Variants in FUT9 observed in about 807,000 individuals in gnomAD.
FUT9 encodes the protein fucosyltransferase 9, also known as 4-galactosyl-N-acetylglucosaminide 3-alpha-L-fucosyltransferase 9.
A neutral mutation model predicts 29.7 loss-of-function variants in FUT9; 15 were observed. That is an observed-to-expected ratio of 0.51 (90% confidence interval 0.34 to 0.78). FUT9 has a LOEUF of 0.78. Ranked by LOEUF, FUT9 falls within the 30% of genes least tolerant of loss-of-function variation. The probability of loss-of-function intolerance (pLI) is 0.01; values close to 1 mark genes in which losing one functional copy is unlikely to be tolerated. For synonymous variants in FUT9, 169 were observed against 153.7 expected (o/e 1.10, Z -0.74); for missense variants, 319 against 425.4 (o/e 0.75, Z 2.20).
In FUT9 at chr6:96,026,083, G is replaced by T. The variant is rs1283827139; in HGVS notation, c.-98+9871G>T. Among the ~76,000 whole-genome samples the T allele has an allele frequency of 2.6e-5, 4 of 151,216 alleles. No individual in the cohort carries two copies. In the East Asian group the frequency reaches 7.9e-4, roughly 30 times the overall value. ...TCCAGAAGATACTATTTCTATCCAA[G>T]GCTGTCTGCTTTACAAACATGTTCT... is the stretch of plus-strand genomic sequence containing the variant. On this transcript the variant is annotated intron_variant, in intron 1 of 2. Transcript: ENST00000302103.
At chr6:96,186,845 G>A (rs1025935849) in intron 2 of FUT9, among the ~76,000 whole-genome samples, 6 of 152,066 alleles carry the variant, frequency 3.9e-5, no homozygotes, top group Non-Finnish European at 7.4e-5. Context: ...ACTTTATTAA[G>A]GCCTTAAAAT....
At chr6:96,043,964 AT>A (rs549921537) in intron 1 of FUT9, among the ~76,000 whole-genome samples, 4 of 152,250 alleles carry the variant, frequency 2.6e-5, no homozygotes, top group Admixed American at 1.3e-4. Context: ...ACTTTATTTG[AT>A]TTTGTTGGCC....
chr6:96,069,231 C>T (rs924371127), intron 1 of FUT9, among the ~76,000 whole-genome samples: 6 of 151,876 alleles, frequency 4.0e-5, no homozygotes, highest in Non-Finnish European at 8.8e-5. Context: ...AGGAGCATTG[C>T]TTGAACCGGG....
intron 1 of FUT9, among the ~76,000 whole-genome samples, chr6:96,094,554 A>G (rs2127954797): frequency 6.6e-6 from 1 of 152,288 alleles, no homozygotes; most frequent in South Asian, 2.1e-4. Flanking sequence ...AAAGTAATTC[A>G]TGCAGAGCAT....
At chr6:96,157,446 A>G (rs1278711785) in intron 2 of FUT9, among the ~76,000 whole-genome samples, 1 of 152,174 alleles carries the variant, frequency 6.6e-6, no homozygotes, top group Non-Finnish European at 1.5e-5. Context: ...GCCTAATAAA[A>G]TGAGTTGAGG....
chr6:96,140,539 C>A (rs142225687), intron 2 of FUT9, among the ~76,000 whole-genome samples: 1 of 152,204 alleles, frequency 6.6e-6, no homozygotes, highest in South Asian at 2.1e-4. Context: ...ATACCTGAGA[C>A]GGGGCAATTT....
chr6:96,123,045 C>T (rs538579973), intron 2 of FUT9, among the ~76,000 whole-genome samples: 1 of 115,608 alleles, frequency 8.6e-6, no homozygotes, highest in South Asian at 3.0e-4. Context: ...AGGAGACAGC[C>T]GCGAGACTCA....
At chr6:96,073,393 G>A (rs1771094560) in intron 1 of FUT9, among the ~76,000 whole-genome samples, 1 of 150,512 alleles carries the variant, frequency 6.6e-6, no homozygotes, top group Non-Finnish European at 1.5e-5. Context: ...AGGTTGCAGT[G>A]AGCTGAGATT....
chr6:96,121,338 C>T (rs1772023463), intron 2 of FUT9, among the ~76,000 whole-genome samples: 1 of 152,086 alleles, frequency 6.6e-6, no homozygotes, highest in Non-Finnish European at 1.5e-5. Context: ...ACAAAGATGT[C>T]AAGAAAATCT....
chr6:96,077,137 A>T (rs1288367883), intron 1 of FUT9, among the ~76,000 whole-genome samples: 4 of 152,164 alleles, frequency 2.6e-5, no homozygotes, highest in Admixed American at 2.6e-4. Flanking sequence ...TAATTTTCTT[A>T]TGATGCTGTG....
intron 2 of FUT9, among the ~76,000 whole-genome samples, chr6:96,147,451 G>A (rs1772592594): frequency 6.6e-6 from 1 of 152,230 alleles, no homozygotes; most frequent in African/African-American, 2.4e-5. Context: ...TTATAGGCAT[G>A]AGCCACTGCA....
chr6:96,177,248 C>G (rs1244064580), intron 2 of FUT9, among the ~76,000 whole-genome samples: 2 of 152,088 alleles, frequency 1.3e-5, no homozygotes, highest in Non-Finnish European at 2.9e-5. Flanking sequence ...TTACAGTCTT[C>G]TTTCTCTTCT....
chr6:96,055,356 A>T (rs1442141551), intron 1 of FUT9, among the ~76,000 whole-genome samples: 1 of 150,264 alleles, frequency 6.7e-6, no homozygotes, highest in African/African-American at 2.4e-5. Flanking sequence ...ATAATAATTT[A>T]AATCTCGAGT....
Position 96,065,621 on chromosome 6 carries a change from A to T in FUT9, c.-97-48418A>T, listed in dbSNP as rs1275630442. The stretch of plus-strand genomic sequence containing the variant: ...TATGCAATTTGAAGAAATGTGAATT[A>T]AAAAAAATTGTTAGCATTTGCTTTG... On this transcript the variant is annotated intron_variant, in intron 1 of 2. Transcript: ENST00000302103. Among the ~76,000 whole-genome samples the T allele has an allele frequency of 2.6e-5, 4 of 152,064 alleles. No homozygotes were observed. The East Asian group carries it at 5.8e-4, about 22-fold the overall frequency.
chr6:96,206,832 G>A lies in FUT9; in HGVS notation c.*2597G>A, dbSNP rs1171238583. 1 of 166,974 alleles carries A rather than the reference G, an allele frequency of 6.0e-6. No individual in the cohort carries two copies. The highest frequency in any genetic ancestry group is 2.4e-5 in the African/African-American group (1 of 41,402). 10.3% of individuals were successfully genotyped at this position (166,974 alleles called of 1,614,324 possible). A position where few individuals can be genotyped will look rare whatever the true frequency, so the allele number is the denominator to read the frequency against. ...TTCAATATTATTTCAACCTGCCTTG[G>A]CTCTAGTGAATGTTCATGATTTGAA... On this transcript the variant is annotated 3_prime_UTR_variant, in exon 3 of 3. Coordinates refer to ENST00000302103, the MANE Select transcript of FUT9 (RefSeq NM_006581.4).
intron 1 of FUT9, among the ~76,000 whole-genome samples, chr6:96,107,600 T>C (rs1489122389): frequency 2.6e-5 from 4 of 152,182 alleles, no homozygotes; most frequent in South Asian, 2.1e-4. Context: ...ATAAAGTATA[T>C]GTATAAATTT....
rs9499636 is a variant in FUT9 at position 96,212,555 on chromosome 6, T to C, written c.*8320T>C. 59,593 of 397,096 alleles carry C rather than the reference T, an allele frequency of 0.15. 5,064 individuals carry two copies. Among genetic ancestry groups the C allele is most frequent in the Admixed American group, 0.25 (5,561 of 22,332 alleles). The allele number at this position is 397,096 out of a possible 1,614,324, so 24.6% of individuals were successfully genotyped here. ...GAAGGGAAAAAAAAGAACTTTCAGCTTAATCGGGGTTAAGGGAGTAATTGT... is the reference window on the plus strand; with the variant it reads ...GAAGGGAAAAAAAAGAACTTTCAGCCTAATCGGGGTTAAGGGAGTAATTGT... On this transcript the variant is annotated 3_prime_UTR_variant, in exon 3 of 3. Transcript: ENST00000302103.
chr6:96,198,227 A>T (rs572758360), intron 2 of FUT9, among the ~76,000 whole-genome samples: 1 of 151,870 alleles, frequency 6.6e-6, no homozygotes, highest in East Asian at 1.9e-4. Context: ...CTAACTCGTC[A>T]TCTAGCATTA....
chr6:96,173,460 A>G (rs1773149016), intron 2 of FUT9, among the ~76,000 whole-genome samples: 1 of 152,116 alleles, frequency 6.6e-6, no homozygotes, highest in Admixed American at 6.6e-5. Context: ...TATTTCTTGG[A>G]TAAGTTGGAG....
Sources: gnomAD v4.1 joint callset for allele counts (sites outside exome capture counted in the v4.1 genomes callset) on GRCh38, gnomAD v4.1.1 for gene constraint, MANE v1.5 for transcripts, NCBI Gene and HGNC (gene_info 2026-07-23, HGNC 2026-07-21) for gene names.